DUSP16: variants seen among roughly 807,000 people sequenced by gnomAD.
DUSP16 encodes dual specificity protein phosphatase 16.
Under a neutral mutation model 58.3 loss-of-function variants are expected in DUSP16, and 21 were observed. The ratio of observed to expected loss-of-function variants is 0.36; its 90% confidence interval spans 0.26 to 0.52. The LOEUF is 0.52. DUSP16 is among the 20% of genes least tolerant of loss of function. DUSP16 has a pLI of 0.94. For missense variants in DUSP16, 726 were observed against 819.0 expected (o/e 0.89, Z 1.39); for synonymous variants, 320 against 323.8 (o/e 0.99, Z 0.12).
intron 4 of DUSP16, among the ~76,000 whole-genome samples, chr12:12,490,589 T>C (rs1316383150): frequency 6.6e-6 from 1 of 152,206 alleles, no homozygotes; most frequent in East Asian, 1.9e-4. Context: ...TAAACATGCA[T>C]GAATACACTG....
intron 1 of DUSP16, among the ~76,000 whole-genome samples, chr12:12,545,391 T>TG (rs1340954484): frequency 6.6e-6 from 1 of 151,656 alleles, no homozygotes; most frequent in Non-Finnish European, 1.5e-5. Context: ...CTCAGCCTCC[T>TG]GAGTAGCTGG....
intron 4 of DUSP16, among the ~76,000 whole-genome samples, chr12:12,491,895 G>A (rs1943765068): frequency 6.6e-6 from 1 of 152,166 alleles, no homozygotes; most frequent in African/African-American, 2.4e-5. Flanking sequence ...CCTGCAGGAG[G>A]ACCTACAGTC....
intron 1 of DUSP16, chr12:12,560,744 ATCTTT>A (rs1431443434): frequency 2.6e-5 from 4 of 152,188 alleles, no homozygotes; most frequent in Non-Finnish European, 4.4e-5. Context: ...TTGGTACGAA[ATCTTT>A]TCTTTTAAAA....
chr12:12,512,817 T>G (rs980002868), intron 3 of DUSP16, among the ~76,000 whole-genome samples: 11 of 152,192 alleles, frequency 7.2e-5, no homozygotes, highest in African/African-American at 2.7e-4. Flanking sequence ...AATTTCAATC[T>G]CATTTACCAA....
intron 4 of DUSP16, among the ~76,000 whole-genome samples, chr12:12,495,164 CTTATT>C (rs916630368): frequency 8.2e-5 from 11 of 134,600 alleles, no homozygotes; most frequent in African/African-American, 1.1e-4. Flanking sequence ...TGTTAGTTCT[CTTATT>C]TTATCTTGTT....
chr12:12,546,662 A>G (rs1944644929), intron 1 of DUSP16, among the ~76,000 whole-genome samples: 2 of 152,218 alleles, frequency 1.3e-5, no homozygotes, highest in Non-Finnish European at 2.9e-5. Context: ...GTTCTAGTGT[A>G]AGCACTACCA....
intron 1 of DUSP16, among the ~76,000 whole-genome samples, chr12:12,539,646 T>G (rs569392362): frequency 4.0e-5 from 6 of 151,732 alleles, no homozygotes; most frequent in Non-Finnish European, 8.8e-5. Context: ...CTGTAAAACT[T>G]CACTTAGGAT....
chr12:12,510,808 G>A (rs987337431), intron 3 of DUSP16, among the ~76,000 whole-genome samples: 3 of 152,192 alleles, frequency 2.0e-5, no homozygotes, highest in Admixed American at 1.3e-4. Flanking sequence ...AATCTAGCAG[G>A]AAAACAACTA....
At chr12:12,526,137 G>T (rs190080168) in intron 1 of DUSP16, among the ~76,000 whole-genome samples, 2 of 152,132 alleles carry the variant, frequency 1.3e-5, no homozygotes, top group African/African-American at 2.4e-5. Flanking sequence ...CAACATCTTA[G>T]TATAACAAAA....
chr12:12,485,836 T>C (rs1367010399), intron 5 of DUSP16, among the ~76,000 whole-genome samples: 1 of 127,018 alleles, frequency 7.9e-6, no homozygotes, highest in Non-Finnish European at 1.6e-5. Context: ...CTCTGCTGCC[T>C]AGGCTGGAGT....
intron 4 of DUSP16, among the ~76,000 whole-genome samples, chr12:12,488,401 T>G (rs933235269): frequency 1.4e-4 from 21 of 152,220 alleles, no homozygotes; most frequent in Non-Finnish European, 2.6e-4. Flanking sequence ...TCATCTCCCC[T>G]GTTATGTAAT....
Position 12,477,829 on chromosome 12 carries a change from C to T in DUSP16, c.1002G>A (p.Glu334=), listed in dbSNP as rs1050694180. Reference sequence around the variant, plus strand: ...CGGCACAGGGTGGACTGAGGGGCGTCTCGCTTTTCTGTCCACCCTCTGAGA... The same window carrying T: ...CGGCACAGGGTGGACTGAGGGGCGTTTCGCTTTTCTGTCCACCCTCTGAGA... ...PAVSEGGQKS[E]TPLSPPCADS... The change falls in exon 7 of 7, where the codon GAG becomes GAA. Residue 334 remains glutamate (E), a synonymous_variant. Coordinates refer to ENST00000298573, the MANE Select transcript of DUSP16 (RefSeq NM_030640.3). This position sits in a 1 kb window ranked among gnomAD's most constrained non-coding sequence, Gnocchi z 4.1. 3.7e-6 allele frequency: 6 copies of T among 1,614,096 alleles called. No individual in the cohort carries two copies. Among genetic ancestry groups the T allele is most frequent in the Non-Finnish European group, 5.1e-6 (6 of 1,180,036 alleles).
chr12:12,483,168 A>C (rs1943607491), intron 5 of DUSP16, among the ~76,000 whole-genome samples: 1 of 152,212 alleles, frequency 6.6e-6, no homozygotes, highest in African/African-American at 2.4e-5. Flanking sequence ...ACTGCAAATG[A>C]AAAGGGCAAA....
intron 1 of DUSP16, among the ~76,000 whole-genome samples, chr12:12,557,189 C>T (rs990663121): frequency 7.2e-5 from 11 of 152,108 alleles, no homozygotes; most frequent in Non-Finnish European, 1.6e-4. Flanking sequence ...GGTGTGGTGG[C>T]TCACACCTGT....
chr12:12,542,789 T>C (rs1052262133), intron 1 of DUSP16, among the ~76,000 whole-genome samples: 2 of 152,154 alleles, frequency 1.3e-5, no homozygotes, highest in Admixed American at 1.3e-4. Context: ...TTGGACCCTG[T>C]ATGCAAGACC....
chr12:12,548,449 C>A (rs1194243652), intron 1 of DUSP16, among the ~76,000 whole-genome samples: 1 of 151,750 alleles, frequency 6.6e-6, no homozygotes, highest in Non-Finnish European at 1.5e-5. Flanking sequence ...CTGGCCAACA[C>A]GGTGAAACCC....
intron 1 of DUSP16, among the ~76,000 whole-genome samples, chr12:12,558,620 T>G (rs1249537234): frequency 2.0e-5 from 3 of 152,142 alleles, no homozygotes; most frequent in African/African-American, 7.2e-5. Flanking sequence ...GCTCAAGTGA[T>G]CCTCCTGCCT....
rs762082661 is a variant in DUSP16, at chr12:12,477,756, T to C, written c.1075A>G (p.Ser359Gly). 1.4e-5 allele frequency: 22 copies of C among 1,608,736 alleles called. No individual in the cohort carries two copies. The highest frequency in any genetic ancestry group is 5.1e-5 in the Admixed American group (3 of 59,400). ...AAGQRPVHPA[S>G]VPSVPSVQPS... is the part of the protein sequence containing the mutation. The stretch of plus-strand genomic sequence containing the variant: ...TGCACGCTGGGCACGCTGGGCACGC[T>C]GGCGGGATGCACGGGCCTTTGTCCT... Residue 359 changes from serine (S) to glycine (G), a missense_variant, in exon 7 of 7, where the codon AGC becomes GGC. Coordinates refer to ENST00000298573, the MANE Select transcript of DUSP16 (RefSeq NM_030640.3). The surrounding 1 kb of genome is among the most constrained non-coding windows in gnomAD (Gnocchi z 4.1).
At chr12:12,557,174 G>C (rs1020675617) in intron 1 of DUSP16, among the ~76,000 whole-genome samples, 2 of 152,070 alleles carry the variant, frequency 1.3e-5, no homozygotes, top group Non-Finnish European at 2.9e-5. Flanking sequence ...TAAAGTTTCT[G>C]GCCGGGTGTG....
Sources: allele counts gnomAD v4.1 joint callset (sites outside exome capture counted in the v4.1 genomes callset), GRCh38; gene constraint gnomAD v4.1.1; non-coding constraint Gnocchi (gnomAD v3.1); transcripts MANE v1.5; gene names NCBI Gene and HGNC (gene_info 2026-07-23, HGNC 2026-07-21).